The following ATP10D variants were observed in gnomAD, a reference collection of about 807,000 sequenced individuals.
The protein encoded by ATP10D is phospholipid-transporting ATPase VD.
In ATP10D, 89 loss-of-function variants were observed where a neutral mutation model predicts 144.8. That is an observed-to-expected ratio of 0.61 (90% CI 0.52 to 0.73). ATP10D has a LOEUF of 0.73. Among genes scored for constraint, ATP10D ranks in the 30% least tolerant of loss-of-function variants. ATP10D has a pLI of 0.00. For missense variants in ATP10D, 1,603 were observed against 1,714.8 expected (o/e 0.93, Z 1.15); for synonymous variants, 571 against 615.1 (o/e 0.93, Z 1.06).
At chr4:47,579,031 A>G (rs187394310) in intron 19 of ATP10D, among the ~76,000 whole-genome samples, 35 of 152,350 alleles carry the variant, frequency 2.3e-4, no homozygotes, top group Admixed American at 1.2e-3. Context: ...AGACTAGCTC[A>G]GGGATGTGAC....
chr4:47,523,414 A>AC (rs1717070993), intron 4 of ATP10D, among the ~76,000 whole-genome samples, 198 bp downstream of exon 4: 2 of 152,226 alleles, frequency 1.3e-5, no homozygotes, highest in African/African-American at 4.8e-5. Flanking sequence ...TGACTTCAGA[A>AC]TTTACACACT....
In ATP10D at chr4:47,561,019, G is replaced by C. The variant is rs1719268089; in HGVS notation, c.2612G>C (p.Arg871Thr). Reference protein sequence around the residue: ...HFLAETSIDNREELLLESAMR... With the variant: ...HFLAETSIDNTEELLLESAMR... Reference sequence around the variant, plus strand: ...TTAGCTGAAACCAGCATTGACAACAGGGAAGAATTACTACTTGAATCTGCC... The same window carrying C: ...TTAGCTGAAACCAGCATTGACAACACGGAAGAATTACTACTTGAATCTGCC... Residue 871 changes from arginine to threonine, a missense_variant, in exon 14 of 23, where the codon AGG becomes ACG. Coordinates refer to ENST00000273859, the MANE Select transcript of ATP10D (RefSeq NM_020453.4). 2 of 1,614,096 alleles carry C rather than the reference G, an allele frequency of 1.2e-6. No homozygotes were observed. Among genetic ancestry groups the C allele is most frequent in the Non-Finnish European group, 1.7e-6 (2 of 1,179,952 alleles).
chr4:47,587,018 G>T lies in ATP10D; in HGVS notation c.3754-1G>T. ...TTTCCTCTGCTCTTCTTGTCTTACA[G>T]ACTTGGATTCACTTGCTGGTCATCA... On this transcript the variant is annotated splice_acceptor_variant, in intron 21 of 22. Coordinates refer to ENST00000273859, the MANE Select transcript of ATP10D (RefSeq NM_020453.4). LOFTEE classifies it high-confidence loss of function. 6.2e-7 allele frequency: 1 copy of T among 1,613,470 alleles called. No individual in the cohort carries two copies. Among genetic ancestry groups the T allele is most frequent in the Non-Finnish European group, 8.5e-7 (1 of 1,179,586 alleles).
Position 47,565,611 on chromosome 4 carries a change from GA to G in ATP10D, c.2853+1852del, listed in dbSNP as rs534621263. The stretch of plus-strand genomic sequence containing the variant: ...AATGGGGTTTTTGTGAGCATTAAAT[GA>G]AAAAATATAAATTGTTTAATGCGGT... On this transcript the variant is annotated intron_variant, in intron 15 of 22. Transcript: ENST00000273859. Among the ~76,000 whole-genome samples the G allele has an allele frequency of 2.6e-5, 4 of 152,074 alleles. No individual in the cohort carries two copies. The East Asian group carries it at 7.7e-4, about 29-fold the overall frequency.
chr4:47,528,168 T>A (rs1424634054), intron 5 of ATP10D, among the ~76,000 whole-genome samples: 3 of 152,096 alleles, frequency 2.0e-5, no homozygotes, highest in African/African-American at 7.2e-5. Context: ...AATGGTGAGG[T>A]TTGGGTGCCT....
intron 10 of ATP10D, among the ~76,000 whole-genome samples, chr4:47,549,483 G>C (rs527304897): frequency 1.3e-5 from 2 of 152,304 alleles, no homozygotes; most frequent in African/African-American, 2.4e-5. Flanking sequence ...CTTACCTTCA[G>C]GGGTGCCTGG....
intron 3 of ATP10D, among the ~76,000 whole-genome samples, chr4:47,517,545 A>T (rs925343914): frequency 1.1e-4 from 17 of 152,224 alleles, no homozygotes; most frequent in African/African-American, 3.1e-4. Flanking sequence ...TGGGCAATTT[A>T]CAAAAAGCAG....
chr4:47,588,320 T>C (rs1259415231), intron 22 of ATP10D, among the ~76,000 whole-genome samples: 1 of 152,230 alleles, frequency 6.6e-6, no homozygotes, highest in African/African-American at 2.4e-5. Context: ...AACAAATAGT[T>C]GTTCTGCTTT....
chr4:47,514,519 A>G (rs1011876840), intron 2 of ATP10D, among the ~76,000 whole-genome samples: 1 of 152,200 alleles, frequency 6.6e-6, no homozygotes, highest in African/African-American at 2.4e-5. Context: ...ATGGAAAAAT[A>G]TGTTATCAAA....
intron 1 of ATP10D, among the ~76,000 whole-genome samples, chr4:47,511,404 T>C (rs1172663208): frequency 1.3e-5 from 2 of 152,140 alleles, no homozygotes; most frequent in East Asian, 1.9e-4. Context: ...CTACATATAC[T>C]CAGAGGCTGT....
intron 3 of ATP10D, among the ~76,000 whole-genome samples, chr4:47,519,339 T>C (rs1284433443): frequency 6.6e-6 from 1 of 152,186 alleles, no homozygotes; most frequent in Non-Finnish European, 1.5e-5. Flanking sequence ...ACTGAACTTA[T>C]AAGAAACAAA....
intron 9 of ATP10D, among the ~76,000 whole-genome samples, chr4:47,537,344 A>G (rs1224791990): frequency 6.6e-6 from 1 of 152,172 alleles, no homozygotes; most frequent in Admixed American, 6.6e-5. Flanking sequence ...GTGCTTGATT[A>G]AGAATAACTA....
At chr4:47,487,607 G>C (rs192746031) in intron 1 of ATP10D, among the ~76,000 whole-genome samples, 4 of 152,260 alleles carry the variant, frequency 2.6e-5, no homozygotes, top group African/African-American at 9.6e-5. Flanking sequence ...ATGTGTGCTG[G>C]ATGCTATCAC....
chr4:47,498,727 A>G (rs993287432), intron 1 of ATP10D, among the ~76,000 whole-genome samples: 4 of 152,246 alleles, frequency 2.6e-5, no homozygotes, highest in African/African-American at 7.2e-5. Context: ...GGCATGTTAT[A>G]TGCCAGGCAT....
In ATP10D at chr4:47,505,451, T is replaced by C. The variant is rs145940734; in HGVS notation, c.-37-7053T>C. Among the ~76,000 whole-genome samples, 59 of 152,202 alleles carry C rather than the reference T, an allele frequency of 3.9e-4. 1 individual carries two copies. In the East Asian group the frequency reaches 0.011, roughly 29 times the overall value. On this transcript the variant is annotated intron_variant, in intron 1 of 22. Coordinates refer to ENST00000273859, the MANE Select transcript of ATP10D (RefSeq NM_020453.4). ...GCAGGGTGAGGTTCATGGCCAAGTG[T>C]GGTGGCTCACACCTATAATCCTAGC...
rs1719457823 is a variant in ATP10D, at chr4:47,563,887, T to TTGTTTGTTGGAGAA, written c.2853+130_2853+131insGGAGAATGTTTGTT. On this transcript the variant is annotated intron_variant, in intron 15 of 22. Coordinates refer to ENST00000273859, the MANE Select transcript of ATP10D (RefSeq NM_020453.4). ...AGCAACCGTTAGCTTTTTTTGTTGT[T>TTGTTTGTTGGAGAA]TGTTTGTTTGTTTTGGTTTTTTTGA... The TTGTTTGTTGGAGAA allele has an allele frequency of 5.8e-6, 6 of 1,039,764 alleles. No individual in the cohort carries two copies. The Admixed American group carries it at 1.3e-4, about 23-fold the overall frequency. 64.4% of individuals were successfully genotyped at this position (1,039,764 alleles called of 1,614,324 possible). A position where few individuals can be genotyped will look rare whatever the true frequency, so the allele number is the denominator to read the frequency against.
Position 47,580,421 on chromosome 4 carries a change from G to T in ATP10D, c.3591G>T (p.Trp1197Cys). 6.2e-7 allele frequency: 1 copy of T among 1,613,666 alleles called. No individual in the cohort carries two copies. The highest frequency in any genetic ancestry group is 8.5e-7 in the Non-Finnish European group (1 of 1,179,738). The change falls in exon 20 of 23, where the codon TGG becomes TGT. Residue 1197 changes from tryptophan to cysteine, a missense_variant. Transcript: ENST00000273859. ...KSEAYLPHTF[W>C]ITLLDAFYQS... ...AGGCATACTTACCCCATACCTTCTG[G>T]ATCACCTTATTGGATGCTTTTTATC...
intron 5 of ATP10D, among the ~76,000 whole-genome samples, chr4:47,527,291 A>G (rs1198693433): frequency 6.6e-6 from 1 of 152,178 alleles, no homozygotes; most frequent in East Asian, 1.9e-4. Flanking sequence ...CTCACCATTT[A>G]CAAAAATTAA....
At chr4:47,486,692 A>G (rs1420417255) in intron 1 of ATP10D, among the ~76,000 whole-genome samples, 2 of 152,248 alleles carry the variant, frequency 1.3e-5, no homozygotes, top group East Asian at 3.8e-4. Flanking sequence ...AATACGTATC[A>G]TATACCTACA....
Sources: gnomAD v4.1 joint callset for allele counts (sites outside exome capture counted in the v4.1 genomes callset) on GRCh38, gnomAD v4.1.1 for gene constraint, MANE v1.5 for transcripts, NCBI Gene and HGNC (gene_info 2026-07-23, HGNC 2026-07-21) for gene names.